The following MDGA2 variants were observed in gnomAD, a reference collection of about 807,000 sequenced individuals.
MDGA2 encodes MAM domain-containing glycosylphosphatidylinositol anchor protein 2.
MDGA2 carries 40 observed loss-of-function variants against 117.8 expected under a neutral mutation model. The ratio of observed to expected loss-of-function variants is 0.34; its 90% CI spans 0.26 to 0.44. MDGA2 has a LOEUF of 0.44. Ranked by LOEUF, MDGA2 falls within the 20% of genes least tolerant of loss-of-function variation. The pLI is 1.00. For synonymous variants in MDGA2, 452 were observed against 439.0 expected (o/e 1.03, Z -0.37); for missense variants, 1,123 against 1,250.6 (o/e 0.90, Z 1.54).
At chr14:47,629,547 G>C (rs1897215704) in intron 1 of MDGA2, among the ~76,000 whole-genome samples, 1 of 152,194 alleles carries the variant, frequency 6.6e-6, no homozygotes, top group South Asian at 2.1e-4. Flanking sequence ...GGTTCAGAGA[G>C]TAAGTACTGG....
intron 2 of MDGA2, among the ~76,000 whole-genome samples, chr14:47,243,010 G>A (rs976067443): frequency 6.6e-6 from 1 of 151,708 alleles, no homozygotes; most frequent in Non-Finnish European, 1.5e-5. Context: ...TGCACCAGTC[G>A]ACACTCTGTA....
intron 3 of MDGA2, among the ~76,000 whole-genome samples, chr14:47,174,601 A>G (rs1229495223): frequency 6.6e-6 from 1 of 152,138 alleles, no homozygotes; most frequent in African/African-American, 2.4e-5. Flanking sequence ...TGAAACAAAT[A>G]AGAACAAAGA....
intron 7 of MDGA2, among the ~76,000 whole-genome samples, chr14:47,044,165 T>TA (rs1409666957): frequency 2.0e-5 from 3 of 152,122 alleles, no homozygotes; most frequent in African/African-American, 7.2e-5. Flanking sequence ...AACCATTGAT[T>TA]AATAATCAGC....
chr14:47,149,628 T>G (rs1248450931), intron 3 of MDGA2, among the ~76,000 whole-genome samples: 1 of 152,176 alleles, frequency 6.6e-6, no homozygotes, highest in East Asian at 1.9e-4. Context: ...TCTGAGTCAT[T>G]TGGTCCTTTT....
At chr14:47,531,787 T>C (rs1294509323) in intron 1 of MDGA2, among the ~76,000 whole-genome samples, 2 of 152,236 alleles carry the variant, frequency 1.3e-5, no homozygotes, top group Non-Finnish European at 2.9e-5. Context: ...TGGTTTCTTA[T>C]TTGAAGCACT....
chr14:47,312,219 C>T (rs926937942), intron 1 of MDGA2, among the ~76,000 whole-genome samples: 53 of 152,060 alleles, frequency 3.5e-4, no homozygotes, highest in African/African-American at 1.2e-3. Context: ...TTCTGAAATT[C>T]GCTCTGTAAG....
At chr14:47,356,671 G>A (rs1429781582) in intron 1 of MDGA2, among the ~76,000 whole-genome samples, 1 of 152,104 alleles carries the variant, frequency 6.6e-6, no homozygotes, top group East Asian at 1.9e-4. Context: ...TCACCCCTAA[G>A]GGCAATGTCA....
At chr14:46,900,366 C>G (rs1883237242) in intron 10 of MDGA2, among the ~76,000 whole-genome samples, 1 of 152,080 alleles carries the variant, frequency 6.6e-6, no homozygotes, top group Non-Finnish European at 1.5e-5. Context: ...GGCATTTATC[C>G]CAGAGAAACA....
At chr14:47,200,529 C>A in intron 3 of MDGA2, 3 of 586,026 alleles carry the variant, frequency 5.1e-6, no homozygotes, top group Middle Eastern at 4.8e-4. Flanking sequence ...TTTTCTTTTT[C>A]TTTTCTTTTT....
intron 1 of MDGA2, among the ~76,000 whole-genome samples, chr14:47,358,207 T>C (rs1443503359): frequency 6.6e-6 from 1 of 152,160 alleles, no homozygotes; most frequent in Admixed American, 6.5e-5. Context: ...GGAAGCATGA[T>C]CAGCAACTGC....
rs1176575817 is a variant in MDGA2, at chr14:46,886,809, A to G, written c.2239-4588T>C. On this transcript the variant is annotated intron_variant, in intron 10 of 16. Transcript: ENST00000399232. ...GCTTCCCACATCAGCATCTTTGGCTACTCCTTATTTTCTTTTCCTGTGTTC... is the reference window on the plus strand; with the variant it reads ...GCTTCCCACATCAGCATCTTTGGCTGCTCCTTATTTTCTTTTCCTGTGTTC... 5.3e-5 allele frequency among the ~76,000 whole-genome samples: 8 copies of G among 151,786 alleles called. No homozygotes were observed. The East Asian group carries it at 1.6e-3, about 29-fold the overall frequency.
chr14:47,614,473 CA>C (rs1217606760), intron 1 of MDGA2, among the ~76,000 whole-genome samples: 1 of 152,160 alleles, frequency 6.6e-6, no homozygotes, highest in African/African-American at 2.4e-5. Context: ...CTCTTACACC[CA>C]ATACTGGCCT....
rs147603220 is a variant in MDGA2 at position 47,604,765 on chromosome 14, T to C, written c.280+69752A>G. The stretch of plus-strand genomic sequence containing the variant: ...CTGGTTCTATGACTTTCAGTGGAAA[T>C]GATCTTGCAATTTCCAAAAAGACCT... On this transcript the variant is annotated intron_variant, in intron 1 of 16. Coordinates refer to ENST00000399232, the MANE Select transcript of MDGA2 (RefSeq NM_001113498.3). Among the ~76,000 whole-genome samples the C allele has an allele frequency of 6.7e-3, 1,027 of 152,290 alleles. 47 individuals are homozygous for C. Among genetic ancestry groups the C allele is most frequent in the Admixed American group, 0.056 (862 of 15,276 alleles).
intron 9 of MDGA2, among the ~76,000 whole-genome samples, chr14:46,926,353 C>G (rs1232383233): frequency 6.6e-6 from 1 of 151,534 alleles, no homozygotes; most frequent in Non-Finnish European, 1.5e-5. Context: ...TAAAACTTCT[C>G]ATTTAAAACC....
intron 7 of MDGA2, among the ~76,000 whole-genome samples, chr14:47,043,843 T>A (rs1889163084): frequency 6.6e-6 from 1 of 152,124 alleles, no homozygotes; most frequent in Non-Finnish European, 1.5e-5. Context: ...TCCCAACCAA[T>A]GATTGTTACA....
intron 1 of MDGA2, among the ~76,000 whole-genome samples, chr14:47,570,867 T>C (rs1896006068): frequency 6.6e-6 from 1 of 151,950 alleles, no homozygotes; most frequent in Non-Finnish European, 1.5e-5. Context: ...ATGACTAAAA[T>C]ACAAAAGCAA....
chr14:47,055,747 G>C (rs145052486), intron 7 of MDGA2, among the ~76,000 whole-genome samples: 8 of 152,082 alleles, frequency 5.3e-5, no homozygotes, highest in Non-Finnish European at 7.4e-5. Context: ...TGTAAATAAA[G>C]TATTATTGGA....
intron 7 of MDGA2, among the ~76,000 whole-genome samples, chr14:47,042,762 G>C (rs929721939): frequency 6.6e-6 from 1 of 152,102 alleles, no homozygotes; most frequent in African/African-American, 2.4e-5. Context: ...GAAATTGTCA[G>C]TATGCTTGTT....
chr14:47,416,869 C>T (rs934900523), intron 1 of MDGA2, among the ~76,000 whole-genome samples: 2 of 152,116 alleles, frequency 1.3e-5, no homozygotes, highest in African/African-American at 4.8e-5. Context: ...CTGCTCCCAC[C>T]CTCCCCATGC....
Sources: allele counts gnomAD v4.1 joint callset (sites outside exome capture counted in the v4.1 genomes callset), GRCh38; gene constraint gnomAD v4.1.1; transcripts MANE v1.5; gene names NCBI Gene and HGNC (gene_info 2026-07-23, HGNC 2026-07-21).